KIF26B: variants seen among roughly 807,000 people sequenced by gnomAD.
KIF26B encodes the protein kinesin family member 26B.
In KIF26B, 63 loss-of-function variants were observed where a neutral mutation model predicts 151.2. The observed-to-expected ratio is 0.42, with a 90% CI of 0.34 to 0.51. KIF26B has a LOEUF of 0.51. KIF26B is among the 20% of genes least tolerant of loss of function. The pLI is 0.07. For synonymous variants in KIF26B, 1,357 were observed against 1,262.1 expected, an observed-to-expected ratio of 1.08 and a Z score of -1.59; for missense variants, 2,813 against 2,913.6, an observed-to-expected ratio of 0.97 and a Z score of 0.79.
chr1:245,300,727 C>T (rs1007911595), intron 2 of KIF26B, among the ~76,000 whole-genome samples: 2 of 151,278 alleles, frequency 1.3e-5, no homozygotes, highest in African/African-American at 4.9e-5. Flanking sequence ...CGGGGTTTCG[C>T]CATATTGACC....
chr1:245,599,211 C>T (rs1572894), intron 5 of KIF26B, among the ~76,000 whole-genome samples: 50,319 of 152,044 alleles, frequency 0.33, 8,682 homozygotes, highest in East Asian at 0.4. Context: ...AGTGGAGTGC[C>T]GGACTAAAGG....
At chr1:245,176,595 C>CA (rs1668813373) in intron 2 of KIF26B, among the ~76,000 whole-genome samples, 1 of 152,136 alleles carries the variant, frequency 6.6e-6, no homozygotes, top group African/African-American at 2.4e-5. Flanking sequence ...CCACTCCCCA[C>CA]AAGACGCCAA....
At chr1:245,640,729 A>T (rs1460986443) in intron 9 of KIF26B, among the ~76,000 whole-genome samples, 1 of 152,124 alleles carries the variant, frequency 6.6e-6, no homozygotes, top group Admixed American at 6.5e-5. Context: ...TGTAATTATA[A>T]CAAGTTATTT....
At chr1:245,296,186 T>TC (rs1671333694) in intron 2 of KIF26B, among the ~76,000 whole-genome samples, 1 of 151,598 alleles carries the variant, frequency 6.6e-6, no homozygotes, top group Non-Finnish European at 1.5e-5. Context: ...TTTTTTTTTT[T>TC]CTTATGGGCT....
chr1:245,186,689 T>G (rs1343465951), intron 2 of KIF26B, among the ~76,000 whole-genome samples: 1 of 152,250 alleles, frequency 6.6e-6, no homozygotes, highest in Non-Finnish European at 1.5e-5. Context: ...GGACTCTTAG[T>G]ACTTGCCCTG....
chr1:245,563,584 C>A lies in KIF26B; in HGVS notation c.1350+22634C>A, dbSNP rs1319453519. 6.6e-6 allele frequency among the ~76,000 whole-genome samples: 1 copy of A among 152,194 alleles called. No homozygotes were observed. Among genetic ancestry groups the A allele is most frequent in the African/African-American group, 2.4e-5 (1 of 41,432 alleles). Reference sequence around the variant, plus strand: ...ACACATGGCTGACAGATTCCGGAGGCCTTCAACTCCCACCTATGAAGCAGC... The same window carrying A: ...ACACATGGCTGACAGATTCCGGAGGACTTCAACTCCCACCTATGAAGCAGC... On this transcript the variant is annotated intron_variant, in intron 5 of 14. Coordinates refer to ENST00000407071, the MANE Select transcript of KIF26B (RefSeq NM_018012.4). The surrounding 1 kb of genome is among the most constrained non-coding windows in gnomAD (Gnocchi z 4.6).
At chr1:245,487,030 C>T (rs779107324) in intron 4 of KIF26B, among the ~76,000 whole-genome samples, 3 of 152,132 alleles carry the variant, frequency 2.0e-5, no homozygotes, top group Non-Finnish European at 4.4e-5. Context: ...CAAGGGGTGG[C>T]TCCCAATAGT....
At chr1:245,328,883 T>C (rs1055168447) in intron 2 of KIF26B, among the ~76,000 whole-genome samples, 1 of 152,242 alleles carries the variant, frequency 6.6e-6, no homozygotes, top group African/African-American at 2.4e-5. Context: ...ATCCACGTAG[T>C]GAGACCGTGT....
At chr1:245,520,826 G>A (rs889338963) in intron 4 of KIF26B, among the ~76,000 whole-genome samples, 1 of 152,184 alleles carries the variant, frequency 6.6e-6, no homozygotes, top group African/African-American at 2.4e-5. Context: ...CGGACCACAT[G>A]CCTTTCCCTT....
chr1:245,558,668 G>A (rs766842454), intron 5 of KIF26B, among the ~76,000 whole-genome samples: 16 of 152,212 alleles, frequency 1.1e-4, no homozygotes, highest in East Asian at 3.8e-4. Flanking sequence ...AGAAGGTTGC[G>A]GGGACAGGGC....
Position 245,218,386 on chromosome 1 carries a change from C to T in KIF26B, c.465+61703C>T, listed in dbSNP as rs1286509725. On this transcript the variant is annotated intron_variant, in intron 2 of 14. Coordinates refer to ENST00000407071, the MANE Select transcript of KIF26B (RefSeq NM_018012.4). This position sits in a 1 kb window ranked among gnomAD's most constrained non-coding sequence, Gnocchi z 4.1. The stretch of plus-strand genomic sequence containing the variant: ...GGGAAGGGAGGGCTCAGGTGAAAAG[C>T]AGAAGGGAACTCTATGGCTGTCTTT... Among the ~76,000 whole-genome samples, 1 of 152,156 alleles carries T rather than the reference C, an allele frequency of 6.6e-6. No homozygotes were observed. The highest frequency in any genetic ancestry group is 2.1e-4 in the South Asian group (1 of 4,834).
chr1:245,261,003 C>G (rs1490390660), intron 2 of KIF26B, among the ~76,000 whole-genome samples: 2 of 151,116 alleles, frequency 1.3e-5, no homozygotes, highest in African/African-American at 4.9e-5. Flanking sequence ...CTTTCCTTCC[C>G]TTCCTTCCCT....
In KIF26B at chr1:245,498,732, A is replaced by T. The variant is rs1001080503; in HGVS notation, c.1167-42035A>T. ...ACATCTGCTCTTCCAGGCTGCCTGC[A>T]AGAAAGGCCAGTTTCCACCCACTGC... On this transcript the variant is annotated intron_variant, in intron 4 of 14. Coordinates refer to ENST00000407071, the MANE Select transcript of KIF26B (RefSeq NM_018012.4). Among the ~76,000 whole-genome samples the T allele has an allele frequency of 2.6e-5, 4 of 152,192 alleles. No homozygotes were observed. The South Asian group carries it at 8.3e-4, about 32-fold the overall frequency.
At chr1:245,651,669 C>A (rs1304935515) in intron 10 of KIF26B, among the ~76,000 whole-genome samples, 1 of 152,178 alleles carries the variant, frequency 6.6e-6, no homozygotes, top group African/African-American at 2.4e-5. Flanking sequence ...AGTGGGGGAG[C>A]ATGACCACCT....
At chr1:245,387,174 TG>T (rs66784221) in intron 3 of KIF26B, among the ~76,000 whole-genome samples, 4,294 of 145,192 alleles carry the variant, frequency 0.03, 341 homozygotes, top group African/African-American at 0.11. Flanking sequence ...TTTTGTTTTT[TG>T]TTTTTTGAGA....
At chr1:245,258,600 C>A in intron 2 of KIF26B, among the ~76,000 whole-genome samples, 1 of 152,140 alleles carries the variant, frequency 6.6e-6, no homozygotes. Context: ...AGCAACTGGC[C>A]CCTTTCCAAA....
At chr1:245,503,074 G>A (rs772181692) in intron 4 of KIF26B, among the ~76,000 whole-genome samples, 11 of 152,012 alleles carry the variant, frequency 7.2e-5, no homozygotes, top group Non-Finnish European at 1.5e-4. Context: ...TGGTCAGGCT[G>A]GTCTTGAACT....
Position 245,698,439 on chromosome 1 carries a change from G to A in KIF26B, c.6027+131G>A, listed in dbSNP as rs1469484637. On this transcript the variant is annotated intron_variant, in intron 13 of 14. Coordinates refer to ENST00000407071, the MANE Select transcript of KIF26B (RefSeq NM_018012.4). This position sits in a 1 kb window ranked among gnomAD's most constrained non-coding sequence, Gnocchi z 4.0. Reference sequence around the variant, plus strand: ...TCCCAGCGGGCTTCTGGCATGGGTGGTGGGAAGGGGGCTTCTGTCCCAGCA... The same window carrying A: ...TCCCAGCGGGCTTCTGGCATGGGTGATGGGAAGGGGGCTTCTGTCCCAGCA... 3.9e-6 allele frequency: 3 copies of A among 768,622 alleles called. No homozygotes were observed. In the African/African-American group the frequency reaches 5.2e-5, roughly 13 times the overall value. 47.6% of individuals were successfully genotyped at this position (768,622 alleles called of 1,614,324 possible).
At chr1:245,399,568 C>G (rs950820270) in intron 3 of KIF26B, among the ~76,000 whole-genome samples, 3 of 152,190 alleles carry the variant, frequency 2.0e-5, no homozygotes, top group African/African-American at 7.2e-5. Flanking sequence ...CGTTTCATAT[C>G]AAGACAACAC....
Sources: allele counts gnomAD v4.1 joint callset (sites outside exome capture counted in the v4.1 genomes callset), GRCh38; gene constraint gnomAD v4.1.1; non-coding constraint Gnocchi (gnomAD v3.1); transcripts MANE v1.5; gene names NCBI Gene and HGNC (gene_info 2026-07-23, HGNC 2026-07-21).